LRP6: variants seen among roughly 807,000 people sequenced by gnomAD.
LRP6 encodes low-density lipoprotein receptor-related protein 6.
In LRP6, 43 loss-of-function variants were observed where a neutral mutation model predicts 184.1. The ratio of observed to expected loss-of-function variants is 0.23; its 90% CI spans 0.18 to 0.30. LRP6 has a LOEUF of 0.30. Among genes scored for constraint, LRP6 ranks in the 10% least tolerant of loss-of-function variants. LRP6 has a pLI of 1.00. For missense variants in LRP6, 1,571 were observed against 2,005.3 expected (o/e 0.78, Z 4.14); for synonymous variants, 719 against 684.9 (o/e 1.05, Z -0.78).
At chr12:12,208,550 T>C (rs1864124845) in intron 2 of LRP6, among the ~76,000 whole-genome samples, 1 of 152,204 alleles carries the variant, frequency 6.6e-6, no homozygotes, top group African/African-American at 2.4e-5. Flanking sequence ...TTATATACTA[T>C]AGTACTTATC....
At chr12:12,242,006 G>C (rs554391779) in intron 2 of LRP6, among the ~76,000 whole-genome samples, 2 of 152,094 alleles carry the variant, frequency 1.3e-5, no homozygotes, top group Non-Finnish European at 2.9e-5. Flanking sequence ...TAGTTTTGGG[G>C]AACAAAATGA....
chr12:12,164,919 T>TAAAAAAAAAAAAA lies in LRP6; in HGVS notation c.1762+147_1762+159dup. On this transcript the variant is annotated intron_variant, in intron 8 of 22. Coordinates refer to ENST00000261349, the MANE Select transcript of LRP6 (RefSeq NM_002336.3). Reference sequence around the variant, plus strand: ...CAACGTTTAAAAGGTCCCTTCTCAGTAAAAAAAAAAAAAAAAAAAAAAAAA... The same window carrying TAAAAAAAAAAAAA: ...CAACGTTTAAAAGGTCCCTTCTCAGTAAAAAAAAAAAAAAAAAAAAAAAAAAAAAAAAAAAAAA... Among the ~76,000 whole-genome samples, 215 of 57,072 alleles carry TAAAAAAAAAAAAA rather than the reference T, an allele frequency of 3.8e-3. 38 individuals carry two copies. Among genetic ancestry groups the TAAAAAAAAAAAAA allele is most frequent in the Non-Finnish European group, 6.1e-3 (170 of 27,784 alleles). 37.4% of individuals were successfully genotyped at this position (57,072 alleles called of 152,430 possible). A position where few individuals can be genotyped will look rare whatever the true frequency, so the allele number is the denominator to read the frequency against.
intron 2 of LRP6, among the ~76,000 whole-genome samples, chr12:12,238,626 A>C (rs368842536): frequency 2.6e-5 from 4 of 152,300 alleles, no homozygotes; most frequent in East Asian, 3.8e-4. Context: ...GGTCTGAGTG[A>C]AAATAACTAA....
intron 7 of LRP6, among the ~76,000 whole-genome samples, chr12:12,167,406 G>A (rs1862911144): frequency 6.6e-6 from 1 of 152,186 alleles, no homozygotes; most frequent in African/African-American, 2.4e-5. Flanking sequence ...CATTTTGGGA[G>A]GCCGAGACGG....
intron 2 of LRP6, among the ~76,000 whole-genome samples, chr12:12,229,425 ATC>A (rs1216649399): frequency 2.0e-5 from 3 of 151,704 alleles, no homozygotes; most frequent in Non-Finnish European, 4.4e-5. Flanking sequence ...AGACTTGAAA[ATC>A]TCTCCCTTAA....
intron 5 of LRP6, 76 bp from the exon 6 acceptor site, chr12:12,181,515 G>T (rs1863344964): frequency 5.0e-6 from 4 of 803,664 alleles, no homozygotes; most frequent in African/African-American, 1.7e-5. Flanking sequence ...AAAGAATCAA[G>T]AACTGAAAAA....
At chr12:12,251,964 G>A (rs988134149) in intron 1 of LRP6, among the ~76,000 whole-genome samples, 1 of 151,872 alleles carries the variant, frequency 6.6e-6, no homozygotes, top group East Asian at 1.9e-4. Context: ...CACAATCATA[G>A]CTCACTGCAG....
intron 2 of LRP6, among the ~76,000 whole-genome samples, chr12:12,205,067 A>C (rs908587069): frequency 6.6e-6 from 1 of 151,862 alleles, no homozygotes; most frequent in African/African-American, 2.4e-5. Flanking sequence ...GGTGGCTCAC[A>C]CTTGTAATCC....
In LRP6 at chr12:12,128,144, ACAGT is replaced by A. The variant is rs375185124; in HGVS notation, c.4082-1227_4082-1224del. On this transcript the variant is annotated intron_variant, in intron 19 of 22. Coordinates refer to ENST00000261349, the MANE Select transcript of LRP6 (RefSeq NM_002336.3). The stretch of plus-strand genomic sequence containing the variant: ...CCACTGCACTGAAACTTTTCTGTCA[ACAGT>A]CAAAGTTCTACTATTTGCCATATTC... Among the ~76,000 whole-genome samples the A allele has an allele frequency of 2.2e-3, 340 of 152,320 alleles. 1 individual carries two copies. Among genetic ancestry groups the A allele is most frequent in the African/African-American group, 8.0e-3 (332 of 41,574 alleles).
intron 2 of LRP6, among the ~76,000 whole-genome samples, chr12:12,222,869 T>C (rs1261806570): frequency 1.3e-5 from 2 of 152,092 alleles, no homozygotes; most frequent in Non-Finnish European, 2.9e-5. Flanking sequence ...AAGTTACATA[T>C]ACAATCCTAA....
At chr12:12,220,579 A>G (rs1177386455) in intron 2 of LRP6, among the ~76,000 whole-genome samples, 1 of 148,844 alleles carries the variant, frequency 6.7e-6, no homozygotes, top group East Asian at 2.0e-4. Flanking sequence ...GACTATGAAC[A>G]CTAACGCATA....
chr12:12,148,680 G>T (rs1022064540), intron 14 of LRP6, among the ~76,000 whole-genome samples: 2 of 151,990 alleles, frequency 1.3e-5, no homozygotes, highest in African/African-American at 4.8e-5. Flanking sequence ...ACTTCCTGGA[G>T]GACGTGGCAG....
intron 17 of LRP6, among the ~76,000 whole-genome samples, chr12:12,134,701 G>C (rs545035040): frequency 2.0e-5 from 3 of 152,284 alleles, no homozygotes; most frequent in South Asian, 4.1e-4. Flanking sequence ...TTAGTGGAGA[G>C]AGATTACAGG....
chr12:12,158,499 A>G (rs1862654614), intron 12 of LRP6, among the ~76,000 whole-genome samples: 1 of 151,758 alleles, frequency 6.6e-6, no homozygotes, highest in African/African-American at 2.4e-5. Flanking sequence ...TAATTTTTTT[A>G]TTTTTTGTAG....
At chr12:12,184,772 G>A (rs144203019) in intron 4 of LRP6, among the ~76,000 whole-genome samples, 3 of 152,030 alleles carry the variant, frequency 2.0e-5, no homozygotes, top group African/African-American at 7.2e-5. Flanking sequence ...GCCTTGGGAA[G>A]ATTAACATAG....
At chr12:12,155,775 G>T in intron 12 of LRP6, 4 of 904,672 alleles carry the variant, frequency 4.4e-6, no homozygotes, top group Non-Finnish European at 7.4e-6. Context: ...TGGCATAATA[G>T]GTGTTAAAAA....
chr12:12,166,480 T>C (rs1273451470), intron 7 of LRP6, among the ~76,000 whole-genome samples: 1 of 152,232 alleles, frequency 6.6e-6, no homozygotes, highest in Non-Finnish European at 1.5e-5. Context: ...TACTTTCTTA[T>C]AAGTTTGTGG....
At chr12:12,121,518 AAAC>A in intron 22 of LRP6, 98 bp from the exon 23 acceptor site, 1 of 1,133,638 alleles carries the variant, frequency 8.8e-7, no homozygotes, top group Non-Finnish European at 1.3e-6. Flanking sequence ...TACCCTATGA[AAAC>A]AATAAGCTAC....
At chr12:12,140,362 A>G (rs1386052784) in intron 15 of LRP6, among the ~76,000 whole-genome samples, 2 of 152,158 alleles carry the variant, frequency 1.3e-5, no homozygotes, top group Admixed American at 1.3e-4. Flanking sequence ...CTCAGAAAGT[A>G]TAACAAAAAC....
Sources: allele counts gnomAD v4.1 joint callset (sites outside exome capture counted in the v4.1 genomes callset), GRCh38; gene constraint gnomAD v4.1.1; transcripts MANE v1.5; gene names NCBI Gene and HGNC (gene_info 2026-07-23, HGNC 2026-07-21).